Variants in PTK2 observed in about 807,000 individuals in gnomAD.
PTK2 encodes protein tyrosine kinase 2.
In PTK2, 45 loss-of-function variants were observed where a neutral mutation model predicts 150.1. The ratio of observed to expected loss-of-function variants is 0.30; its 90% CI spans 0.24 to 0.38. The LOEUF (loss-of-function observed/expected upper bound fraction) is 0.38, where lower values mean the gene tolerates loss of function less well. Ranked by LOEUF, PTK2 falls within the 10% of genes least tolerant of loss-of-function variation. The pLI is 1.00. For synonymous variants in PTK2, 432 were observed against 449.2 expected (o/e 0.96, Z 0.48); for missense variants, 919 against 1,307.3 (o/e 0.70, Z 4.58).
chr8:140,702,864 A>C (rs933308997), intron 24 of PTK2, 157 bp from the exon 28 acceptor site: 7 of 891,634 alleles, frequency 7.9e-6, no homozygotes, highest in Non-Finnish European at 1.2e-5. Context: ...ACATGTGAAT[A>C]TGTTTCCTTA....
intron 7 of PTK2, among the ~76,000 whole-genome samples, chr8:140,844,104 A>C (rs548721190): frequency 4.6e-5 from 7 of 152,174 alleles, no homozygotes; most frequent in South Asian, 2.1e-4. Context: ...TCTCGTGATT[A>C]GACTGTGGTT....
chr8:140,832,948 C>T (rs2100116388), intron 7 of PTK2: 1 of 518,916 alleles, frequency 1.9e-6, no homozygotes, highest in Non-Finnish European at 3.8e-6. Flanking sequence ...CTCTCCGCCA[C>T]TGTGTGGCTG....
chr8:140,706,208 G>A lies in PTK2; in HGVS notation c.2143-3C>T. The A allele has an allele frequency of 6.2e-7, 1 of 1,608,084 alleles. No homozygotes were observed. The highest frequency in any genetic ancestry group is 8.5e-7 in the Non-Finnish European group (1 of 1,174,916). On this transcript the variant is annotated splice_polypyrimidine_tract_variant and splice_region_variant and intron_variant, in intron 23 of 31. Coordinates refer to ENST00000522684, the Ensembl canonical transcript of PTK2. ...CTGGGATAACCCGGTCTGCTGGGCT[G>A]TAAAATCAAGAGAGCATCATATGAA...
exon 7 of PTK2, chr8:140,846,302 C>T (rs200388173): frequency 3.1e-6 from 5 of 1,612,296 alleles, no homozygotes; most frequent in Admixed American, 3.3e-5. Context: ...TGCATTGCCC[C>T]GCATCTCCCA....
In PTK2 at chr8:140,939,363, T is replaced by C. The variant is rs529837218; in HGVS notation, c.-121-13614A>G. Among the ~76,000 whole-genome samples the C allele has an allele frequency of 2.6e-5, 4 of 152,330 alleles. No individual in the cohort carries two copies. In the East Asian group the frequency reaches 5.8e-4, roughly 22 times the overall value. On this transcript the variant is annotated intron_variant, in intron 1 of 31. Transcript: ENST00000522684. ...AGTTTTCCCACATCTATCACTGCTA[T>C]TGATATGTGTACTATACAAGTTCAG...
At chr8:140,779,708 G>A (rs537138108) in intron 14 of PTK2, among the ~76,000 whole-genome samples, 2 of 152,298 alleles carry the variant, frequency 1.3e-5, no homozygotes, top group South Asian at 4.2e-4. Context: ...AGGGAGTCTG[G>A]GGCTTCTGGA....
intron 1 of PTK2, among the ~76,000 whole-genome samples, chr8:140,972,128 A>T (rs747555274): frequency 6.6e-6 from 1 of 152,216 alleles, no homozygotes; most frequent in Non-Finnish European, 1.5e-5. Flanking sequence ...ATTGATGTTG[A>T]TAATAGCAAA....
intron 1 of PTK2, among the ~76,000 whole-genome samples, chr8:140,999,292 G>A (rs569538440): frequency 6.6e-6 from 1 of 152,344 alleles, no homozygotes; most frequent in African/African-American, 2.4e-5. Context: ...TATAAAGGAA[G>A]CATGTGTTTT....
Position 140,672,491 on chromosome 8 carries a change from C to A in PTK2, c.2709+1807G>T, listed in dbSNP as rs750060766. ...ACTGAGGAAGTTCCTGATTCCCAGG[C>A]ACTTAAAAGCCACTGGCATGAACTC... is the stretch of plus-strand genomic sequence containing the variant. On this transcript the variant is annotated intron_variant, in intron 29 of 31. Coordinates refer to ENST00000522684, the Ensembl canonical transcript of PTK2. Among the ~76,000 whole-genome samples, 50 of 152,162 alleles carry A rather than the reference C, an allele frequency of 3.3e-4. 1 individual carries two copies. The highest frequency in any genetic ancestry group is 2.6e-3 in the Admixed American group (39 of 15,264).
rs1340588678 is a variant in PTK2 at position 140,694,564 on chromosome 8, A to G, written c.2499+6327T>C. 4.6e-5 allele frequency among the ~76,000 whole-genome samples: 7 copies of G among 152,224 alleles called. No individual in the cohort carries two copies. In the East Asian group the frequency reaches 1.4e-3, roughly 29 times the overall value. On this transcript the variant is annotated intron_variant, in intron 26 of 31. Transcript: ENST00000522684. ...AAGTTTCCTTGGCCTAACAGGAGAG[A>G]AAGACTTCTGACACACAGCTTCAAC...
chr8:140,674,890 T>TA (rs201910315), intron 28 of PTK2, among the ~76,000 whole-genome samples: 59,970 of 137,990 alleles, frequency 0.43, 12,883 homozygotes, highest in Non-Finnish European at 0.5. Flanking sequence ...CTAGTAAAAT[T>TA]AAAAAAAAAA....
chr8:140,900,727 G>GA (rs1270892709), intron 2 of PTK2, among the ~76,000 whole-genome samples: 92 of 141,732 alleles, frequency 6.5e-4, no homozygotes, highest in East Asian at 2.8e-3. Context: ...CTCAAAAAGA[G>GA]AGAAAAAAAA....
intron 12 of PTK2, among the ~76,000 whole-genome samples, chr8:140,799,805 T>C (rs999832821): frequency 6.6e-5 from 10 of 152,232 alleles, no homozygotes; most frequent in African/African-American, 2.4e-4. Context: ...AGAGGACTCA[T>C]GATTTGAACT....
chr8:140,929,749 C>G (rs986244457), intron 1 of PTK2, among the ~76,000 whole-genome samples: 1 of 132,444 alleles, frequency 7.6e-6, no homozygotes, highest in African/African-American at 2.5e-5. Flanking sequence ...AGATATGTGA[C>G]CCTGGCACTT....
At chr8:140,744,789 G>GAAAAA (rs372806706) in intron 18 of PTK2, 22 bp from the exon 22 acceptor site, 4 of 668,260 alleles carry the variant, frequency 6.0e-6, no homozygotes, top group Non-Finnish European at 4.5e-6. Context: ...ATGACCAAAA[G>GAAAAA]AAAAAAAAAA....
At chr8:140,899,149 T>C (rs2100157472) in intron 2 of PTK2, among the ~76,000 whole-genome samples, 2 of 152,188 alleles carry the variant, frequency 1.3e-5, no homozygotes, top group African/African-American at 2.4e-5. Flanking sequence ...ATGCCCTTTT[T>C]CCAATGTAAC....
chr8:140,778,936 T>C (rs538038093), intron 14 of PTK2, among the ~76,000 whole-genome samples: 8 of 143,888 alleles, frequency 5.6e-5, no homozygotes, highest in African/African-American at 1.8e-4. Context: ...GAAAGAGAAA[T>C]AGCAGACAGC....
intron 22 of PTK2, among the ~76,000 whole-genome samples, chr8:140,726,419 C>A (rs1006808381): frequency 6.6e-6 from 1 of 152,062 alleles, no homozygotes; most frequent in African/African-American, 2.4e-5. Context: ...CTCAGCAAAT[C>A]CTAAACACAA....
At chr8:140,668,752 T>C (rs2093885748) in intron 29 of PTK2, 1 of 200,030 alleles carries the variant, frequency 5.0e-6, no homozygotes, top group Admixed American at 5.2e-5. Flanking sequence ...AAGATAATAA[T>C]CCATCTGGGA....
Sources: allele counts gnomAD v4.1 joint callset (sites outside exome capture counted in the v4.1 genomes callset), GRCh38; gene constraint gnomAD v4.1.1; transcripts MANE v1.5; gene names NCBI Gene and HGNC (gene_info 2026-07-23, HGNC 2026-07-21).